The following WDR20 variants were observed in gnomAD, a reference collection of about 807,000 sequenced individuals.
The protein encoded by WDR20 is WD repeat domain 20.
A neutral mutation model predicts 38.7 loss-of-function variants in WDR20; 3 were observed. That is an observed-to-expected ratio of 0.08 (90% confidence interval 0.04 to 0.20). WDR20 has a LOEUF of 0.20. Among genes scored for constraint, WDR20 ranks in the 10% least tolerant of loss-of-function variants. The pLI is 1.00. For synonymous variants in WDR20, 298 were observed against 285.6 expected (o/e 1.04, Z -0.44); for missense variants, 559 against 727.7 (o/e 0.77, Z 2.67).
intron 1 of WDR20, among the ~76,000 whole-genome samples, chr14:102,178,249 A>G (rs1179275853): frequency 6.6e-6 from 1 of 151,980 alleles, no homozygotes; most frequent in Non-Finnish European, 1.5e-5. Flanking sequence ...AAAATCAGCC[A>G]GGTGTGGTGG....
chr14:102,200,049 A>G (rs2060036509), intron 2 of WDR20, among the ~76,000 whole-genome samples: 1 of 152,244 alleles, frequency 6.6e-6, no homozygotes, highest in African/African-American at 2.4e-5. Context: ...TGATCAGGTC[A>G]GCCCAGTGAG....
intron 2 of WDR20, among the ~76,000 whole-genome samples, chr14:102,200,467 T>TTTTTTGTGTGTGTGTGTGTG (rs748066838): frequency 8.5e-6 from 1 of 117,680 alleles, no homozygotes; most frequent in African/African-American, 3.1e-5. Context: ...ATTTTTTTTT[T>TTTTTTGTGTGTGTGTGTGTG]TGTGTGTGTG....
intron 1 of WDR20, among the ~76,000 whole-genome samples, chr14:102,190,013 A>C (rs991864095): frequency 2.6e-5 from 4 of 152,162 alleles, no homozygotes; most frequent in Non-Finnish European, 2.9e-5. Context: ...GACTGTCCCT[A>C]CCAAGAGGGT....
Position 102,209,912 on chromosome 14 carries a change from G to A in WDR20, c.*32G>A. On this transcript the variant is annotated 3_prime_UTR_variant, in exon 3 of 3. Transcript: ENST00000342702. This position sits in a 1 kb window ranked among gnomAD's most constrained non-coding sequence, Gnocchi z 6.0. Reference sequence around the variant, plus strand: ...ACCAGATCTAGAACTTGAATAGGTAGTGACTTTTTTCTTTTTCGTGGGAGG... The same window carrying A: ...ACCAGATCTAGAACTTGAATAGGTAATGACTTTTTTCTTTTTCGTGGGAGG... 1.3e-6 allele frequency: 2 copies of A among 1,553,808 alleles called. No homozygotes were observed. The highest frequency in any genetic ancestry group is 1.7e-6 in the Non-Finnish European group (2 of 1,152,952).
intron 1 of WDR20, among the ~76,000 whole-genome samples, chr14:102,178,426 T>C (rs1364932867): frequency 1.3e-5 from 2 of 152,010 alleles, no homozygotes; most frequent in African/African-American, 2.4e-5. Context: ...CGTGTGTGTA[T>C]TCCAGATCCT....
At chr14:102,214,656 G>T (rs1219437049), downstream of WDR20, 1 of 984,370 alleles carries the variant, frequency 1.0e-6, no homozygotes, top group Non-Finnish European at 1.2e-6. Flanking sequence ...GTATAAAATT[G>T]TATGGATATT....
In WDR20 at chr14:102,209,860, G is replaced by C; in HGVS notation, c.1690G>C (p.Val564Leu). The change falls in exon 3 of 3, where the codon GTG (valine) becomes CTG (leucine). Residue 564 changes from valine to leucine, a missense_variant. Val to Leu is a conservative substitution (Grantham distance 32). Transcript: ENST00000342702. This position sits in a 1 kb window ranked among gnomAD's most constrained non-coding sequence, Gnocchi z 6.0. ...TTGCACATGGGGAAGGCCTGGTAAA[G>C]TGGTAAGTTTTAATCCTTAATGCTG... Reference protein sequence around the residue: ...FICTWGRPGKVVSFNP With the variant: ...FICTWGRPGKLVSFNP 1.2e-6 allele frequency: 2 copies of C among 1,611,446 alleles called. No individual in the cohort carries two copies. The highest frequency in any genetic ancestry group is 1.7e-6 in the Non-Finnish European group (2 of 1,178,494).
At chr14:102,212,277 G>A (rs1053557814), downstream of WDR20, among the ~76,000 whole-genome samples, 5 of 152,214 alleles carry the variant, frequency 3.3e-5, no homozygotes, top group African/African-American at 9.6e-5. Context: ...GCCAAGGAGT[G>A]TACTGTCCTT....
intron 2 of WDR20, among the ~76,000 whole-genome samples, chr14:102,204,868 C>T (rs2061229195): frequency 6.6e-6 from 1 of 152,142 alleles, no homozygotes; most frequent in African/African-American, 2.4e-5. Flanking sequence ...CACAATAAAC[C>T]ACAGTTTATC....
At chr14:102,145,570 C>T (rs1385938041) in intron 1 of WDR20, among the ~76,000 whole-genome samples, 1 of 152,114 alleles carries the variant, frequency 6.6e-6, no homozygotes, top group African/African-American at 2.4e-5. Context: ...ACAGTGAAAC[C>T]TCGTGTGGGT....
At chr14:102,213,033 G>A (rs367946481), downstream of WDR20, 240 of 990,212 alleles carry the variant, frequency 2.4e-4, 2 homozygotes, top group South Asian at 5.8e-3. Context: ...CGGCAAGGGG[G>A]CGAGCTGGTC....
chr14:102,150,330 T>C (rs2055338533), intron 1 of WDR20, among the ~76,000 whole-genome samples: 1 of 152,028 alleles, frequency 6.6e-6, no homozygotes, highest in Non-Finnish European at 1.5e-5. Context: ...AAAAATTAGC[T>C]GAGTGTGGTG....
At chr14:102,182,048 A>G (rs1003179283) in intron 1 of WDR20, among the ~76,000 whole-genome samples, 5 of 152,162 alleles carry the variant, frequency 3.3e-5, no homozygotes, top group Admixed American at 2.6e-4. Flanking sequence ...TAACCCTTTT[A>G]GCTGTTTCTT....
chr14:102,192,469 G>A (rs925581163), intron 1 of WDR20, among the ~76,000 whole-genome samples: 3 of 152,078 alleles, frequency 2.0e-5, no homozygotes, highest in Non-Finnish European at 4.4e-5. Flanking sequence ...GTGAGCCACC[G>A]TGCCTTCTGG....
chr14:102,166,414 T>A (rs1191229892), intron 1 of WDR20, among the ~76,000 whole-genome samples: 4 of 152,230 alleles, frequency 2.6e-5, no homozygotes. Context: ...GTATATTCCT[T>A]ATCTGTTAGG....
At chr14:102,141,832 AATTTAT>A (rs2051320141) in intron 1 of WDR20, among the ~76,000 whole-genome samples, 2 of 152,168 alleles carry the variant, frequency 1.3e-5, no homozygotes, top group African/African-American at 4.8e-5. Context: ...AAGTTATAAA[AATTTAT>A]ATTTATATAA....
In WDR20 at chr14:102,197,079, C is replaced by G. The variant is rs1567007757; in HGVS notation, c.432+1959C>G. Among the ~76,000 whole-genome samples the G allele has an allele frequency of 2.0e-5, 3 of 152,322 alleles. No homozygotes were observed. In the East Asian group the frequency reaches 5.8e-4, roughly 29 times the overall value. On this transcript the variant is annotated intron_variant, in intron 2 of 2. Transcript: ENST00000342702. The stretch of plus-strand genomic sequence containing the variant: ...GTGCTTTGCTGTGGTGTGACATTTA[C>G]AGGTTTCAAGGCACTTTTACCTATG...
Position 102,209,207 on chromosome 14 carries a change from A to C in WDR20, c.1037A>C (p.Asn346Thr), listed in dbSNP as rs1188106478. 4.3e-6 allele frequency: 7 copies of C among 1,614,012 alleles called. No individual in the cohort carries two copies. Among genetic ancestry groups the C allele is most frequent in the Non-Finnish European group, 5.1e-6 (6 of 1,180,048 alleles). ...DLLHFGRDRANSTQSRLSKRN... is the reference protein window; with the variant it reads ...DLLHFGRDRATSTQSRLSKRN... ...CTTCATTTTGGCAGAGATCGAGCAA[A>C]TAGTACACAGTCCAGGCTCTCCAAA... Residue 346 changes from asparagine to threonine, a missense_variant, in exon 3 of 3, where the codon AAT (asparagine) becomes ACT (threonine). Coordinates refer to ENST00000342702, the MANE Select transcript of WDR20 (RefSeq NM_144574.4). The surrounding 1 kb of genome is among the most constrained non-coding windows in gnomAD (Gnocchi z 6.0).
At chr14:102,193,959 T>C (rs1179332539) in intron 1 of WDR20, among the ~76,000 whole-genome samples, 1 of 152,184 alleles carries the variant, frequency 6.6e-6, no homozygotes, top group East Asian at 1.9e-4. Flanking sequence ...ACATTTCTCA[T>C]GAAGAAAAGA....
Sources: gnomAD v4.1 joint callset for allele counts (sites outside exome capture counted in the v4.1 genomes callset) on GRCh38, gnomAD v4.1.1 for gene constraint, Gnocchi (gnomAD v3.1) non-coding constraint, MANE v1.5 for transcripts, NCBI Gene and HGNC (gene_info 2026-07-23, HGNC 2026-07-21) for gene names.